The following ADCY1 variants were observed in gnomAD, a reference collection of about 807,000 sequenced individuals.
ADCY1 encodes adenylate cyclase 1.
A neutral mutation model predicts 105.4 loss-of-function variants in ADCY1; 28 were observed. The ratio of observed to expected loss-of-function variants is 0.27; its 90% CI spans 0.20 to 0.36. The LOEUF (loss-of-function observed/expected upper bound fraction) is 0.36, where lower values mean the gene tolerates loss of function less well. Among genes scored for constraint, ADCY1 ranks in the 10% least tolerant of loss-of-function variants. The pLI is 1.00. For missense variants in ADCY1, 977 were observed against 1,434.2 expected (o/e 0.68, Z 5.15); for synonymous variants, 655 against 623.8 (o/e 1.05, Z -0.75).
At position 45,574,567 on chromosome 7, in the gene ADCY1, A is replaced by AGGCGGCGGC. The variant is rs1282721789; in HGVS notation, c.27_35dup (p.Gly12_Gly14dup). On this transcript the variant is annotated inframe_insertion, in exon 1 of 20. Coordinates refer to ENST00000297323, the MANE Select transcript of ADCY1 (RefSeq NM_021116.4). The surrounding 1 kb of genome is among the most constrained non-coding windows in gnomAD (Gnocchi z 7.0). ...AGATGGCGGGGGCGCCGCGCGGCGGAGGCGGCGGCGGAGGCGGCGCGGGCG... is the reference window on the plus strand; with the variant it reads ...AGATGGCGGGGGCGCCGCGCGGCGGAGGCGGCGGCGGCGGCGGCGGAGGCGGCGCGGGCG... 1 of 975,184 alleles carries AGGCGGCGGC rather than the reference A, an allele frequency of 1.0e-6. No individual in the cohort carries two copies. The highest frequency in any genetic ancestry group is 1.2e-6 in the Non-Finnish European group (1 of 826,996). The allele number at this position is 975,184 out of a possible 1,614,324, so 60.4% of individuals were successfully genotyped here.
intron 8 of ADCY1, among the ~76,000 whole-genome samples, chr7:45,663,066 G>GT (rs1281788710): frequency 6.6e-6 from 1 of 152,236 alleles, no homozygotes; most frequent in Non-Finnish European, 1.5e-5. Context: ...GATGTCTGTG[G>GT]TGGTCCCAGT....
intron 1 of ADCY1, among the ~76,000 whole-genome samples, chr7:45,577,391 A>G (rs1792382154): frequency 6.6e-6 from 1 of 152,228 alleles, no homozygotes; most frequent in Admixed American, 6.5e-5. Flanking sequence ...AGCAGGGCAG[A>G]TGATTCCCAG....
At chr7:45,619,082 T>C (rs1316560264) in intron 3 of ADCY1, among the ~76,000 whole-genome samples, 1 of 152,150 alleles carries the variant, frequency 6.6e-6, no homozygotes, top group Non-Finnish European at 1.5e-5. Flanking sequence ...TCCCAGGGGA[T>C]GTTATATTAA....
Position 45,647,671 on chromosome 7 carries a change from G to A in ADCY1, c.1021-999G>A, listed in dbSNP as rs1056543952. ...ATCCACTGTCTGCCCTGGAGATGAC[G>A]GCACCACAGAGGCTCACAGAAGTGG... On this transcript the variant is annotated intron_variant, in intron 4 of 19. Transcript: ENST00000297323. This position sits in a 1 kb window ranked among gnomAD's most constrained non-coding sequence, Gnocchi z 4.6. 5.3e-5 allele frequency among the ~76,000 whole-genome samples: 8 copies of A among 152,182 alleles called. No homozygotes were observed. The highest frequency in any genetic ancestry group is 4.1e-4 in the South Asian group (2 of 4,832).
At chr7:45,590,863 C>A (rs1210435740) in intron 1 of ADCY1, among the ~76,000 whole-genome samples, 2 of 152,192 alleles carry the variant, frequency 1.3e-5, no homozygotes, top group African/African-American at 4.8e-5. Context: ...AACCTCCTGC[C>A]TGTGCCTTTG....
chr7:45,608,996 C>T (rs960927468), intron 2 of ADCY1, among the ~76,000 whole-genome samples: 11 of 152,216 alleles, frequency 7.2e-5, no homozygotes, highest in Non-Finnish European at 1.6e-4. Flanking sequence ...GGTCTTCCTT[C>T]TCTGAAGTTT....
At chr7:45,681,022 A>G (rs889510203) in intron 11 of ADCY1, among the ~76,000 whole-genome samples, 68 of 152,258 alleles carry the variant, frequency 4.5e-4, no homozygotes, top group Non-Finnish European at 9.0e-4. Context: ...CTCCCAAGCC[A>G]GGTGGTGAGA....
intron 4 of ADCY1, among the ~76,000 whole-genome samples, chr7:45,635,286 C>T (rs1481395215): frequency 6.6e-6 from 1 of 151,824 alleles, no homozygotes; most frequent in Non-Finnish European, 1.5e-5. Context: ...ATTTTGGCTA[C>T]AAGTTTATCA....
At chr7:45,642,762 A>T (rs1469678743) in intron 4 of ADCY1, among the ~76,000 whole-genome samples, 1 of 152,072 alleles carries the variant, frequency 6.6e-6, no homozygotes, top group South Asian at 2.1e-4. Context: ...TCCCATCCAC[A>T]TTGCACCCAA....
chr7:45,662,351 T>C (rs1464036885), intron 8 of ADCY1, 137 bp downstream of exon 8: 2 of 984,946 alleles, frequency 2.0e-6, no homozygotes, highest in Non-Finnish European at 2.9e-6. Context: ...TAAATGCTGC[T>C]CAGAGCTGAG....
intron 5 of ADCY1, among the ~76,000 whole-genome samples, chr7:45,654,938 C>T (rs547244690): frequency 1.3e-5 from 2 of 152,074 alleles, no homozygotes; most frequent in East Asian, 1.9e-4. Flanking sequence ...AAACCATTTG[C>T]CCTGCCCTTC....
At chr7:45,658,480 A>G (rs1212631653) in intron 6 of ADCY1, among the ~76,000 whole-genome samples, 1 of 152,076 alleles carries the variant, frequency 6.6e-6, no homozygotes, top group Non-Finnish European at 1.5e-5. Flanking sequence ...TCCCTTTTGT[A>G]TGATCTCGCA....
At chr7:45,610,879 GGA>G (rs1584268590) in intron 3 of ADCY1, among the ~76,000 whole-genome samples, 24 of 117,092 alleles carry the variant, frequency 2.0e-4, no homozygotes, top group East Asian at 3.0e-4. Flanking sequence ...GGTGGAGGTG[GGA>G]AGGTGATGGT....
intron 2 of ADCY1, among the ~76,000 whole-genome samples, chr7:45,599,057 G>C (rs561315453): frequency 6.6e-6 from 1 of 152,164 alleles, no homozygotes; most frequent in African/African-American, 2.4e-5. Context: ...CTGCCTGGTC[G>C]GGGTGACATG....
intron 4 of ADCY1, among the ~76,000 whole-genome samples, chr7:45,646,346 A>T (rs1424452356): frequency 6.6e-6 from 1 of 152,188 alleles, no homozygotes; most frequent in Non-Finnish European, 1.5e-5. Context: ...TGGTCATTCA[A>T]GCTGGGCCCT....
chr7:45,718,324 A>G lies in ADCY1; in HGVS notation c.*4329A>G, dbSNP rs1039642191. The G allele has an allele frequency of 2.6e-5, 4 of 152,204 alleles. No homozygotes were observed. Among genetic ancestry groups the G allele is most frequent in the African/African-American group, 7.2e-5 (3 of 41,440 alleles). 9.4% of individuals were successfully genotyped at this position (152,204 alleles called of 1,614,324 possible). ...TATCAAGGCTTACCTGTGATAGGCC[A>G]TTTTAAGGAAATGGTGGCACTCTGA... is the stretch of plus-strand genomic sequence containing the variant. On this transcript the variant is annotated 3_prime_UTR_variant, in exon 20 of 20. Coordinates refer to ENST00000297323, the MANE Select transcript of ADCY1 (RefSeq NM_021116.4).
At chr7:45,645,572 C>T (rs1315049660) in intron 4 of ADCY1, among the ~76,000 whole-genome samples, 1 of 152,140 alleles carries the variant, frequency 6.6e-6, no homozygotes, top group Non-Finnish European at 1.5e-5. Context: ...GTCCTGCACA[C>T]CTGTCCCACT....
chr7:45,669,532 G>A (rs981610978), intron 8 of ADCY1, among the ~76,000 whole-genome samples: 2 of 152,128 alleles, frequency 1.3e-5, no homozygotes, highest in African/African-American at 2.4e-5. Flanking sequence ...CATTTGCTGA[G>A]GAGTGCTTTA....
chr7:45,651,508 A>G (rs1794811103), intron 5 of ADCY1, among the ~76,000 whole-genome samples: 1 of 152,166 alleles, frequency 6.6e-6, no homozygotes, highest in East Asian at 1.9e-4. Context: ...AACTTTGGAA[A>G]TACAAAGTTT....
Sources: allele counts gnomAD v4.1 joint callset (sites outside exome capture counted in the v4.1 genomes callset), GRCh38; gene constraint gnomAD v4.1.1; non-coding constraint Gnocchi (gnomAD v3.1); transcripts MANE v1.5; gene names NCBI Gene and HGNC (gene_info 2026-07-23, HGNC 2026-07-21).